Variants in CCDC197 observed in about 807,000 individuals in gnomAD.
The protein encoded by CCDC197 is coiled-coil domain containing 197.
Under a neutral mutation model 13.4 loss-of-function variants are expected in CCDC197, and 24 were observed. The observed-to-expected ratio is 1.80, with a 90% CI of 1.30 to 2.53. CCDC197 has a LOEUF of 2.53. CCDC197 is among the 30% of genes most tolerant of loss of function. The pLI is 0.00. For missense variants in CCDC197, 255 were observed against 148.8 expected (o/e 1.71, Z -3.71); for synonymous variants, 99 against 55.5 (o/e 1.78, Z -3.48).
At chr14:93,995,676 A>G (rs1398619791), upstream of CCDC197, among the ~76,000 whole-genome samples, 1 of 152,108 alleles carries the variant, frequency 6.6e-6, no homozygotes, top group Admixed American at 6.5e-5. Flanking sequence ...GAGAATGGAG[A>G]GGATGATGAA....
chr14:93,987,761 C>T (rs908630725), intron 1 of CCDC197, among the ~76,000 whole-genome samples: 5 of 152,068 alleles, frequency 3.3e-5, no homozygotes, highest in Admixed American at 6.5e-5. Context: ...CCAGCAAGTC[C>T]GTGACAGGGG....
chr14:94,000,954 G>A (rs1354754339), intron 3 of CCDC197, 191 bp from the exon 4 acceptor site: 3 of 412,722 alleles, frequency 7.3e-6, no homozygotes, highest in Non-Finnish European at 1.2e-5. Context: ...TTGAAGTGGA[G>A]GGGGCGGGAG....
At chr14:94,011,146 G>C (rs1431356301), downstream of CCDC197, among the ~76,000 whole-genome samples, 3 of 152,302 alleles carry the variant, frequency 2.0e-5, no homozygotes, top group African/African-American at 7.2e-5. Flanking sequence ...GCACGATGGG[G>C]CTGGACCGGG....
chr14:93,988,866 AAGG>A (rs1411085338), intron 1 of CCDC197, among the ~76,000 whole-genome samples: 3 of 109,312 alleles, frequency 2.7e-5, no homozygotes, highest in African/African-American at 1.1e-4. Context: ...GAGGGGATGG[AAGG>A]AGGAGATGGG....
chr14:94,001,501 G>C, intron 4 of CCDC197, 178 bp downstream of exon 4: 1 of 532,708 alleles, frequency 1.9e-6, no homozygotes, highest in South Asian at 2.6e-5. Context: ...TCTCCCCTCT[G>C]CTGCCTGAGG....
At chr14:94,002,851 CAA>C (rs759127379) in intron 4 of CCDC197, among the ~76,000 whole-genome samples, 13,106 of 107,950 alleles carry the variant, frequency 0.12, 978 homozygotes, top group African/African-American at 0.26. Context: ...GAGACTGTCT[CAA>C]AAAAAAAAAA....
upstream of CCDC197, among the ~76,000 whole-genome samples, chr14:93,995,070 AC>A (rs1213487527): frequency 6.6e-6 from 1 of 151,674 alleles, no homozygotes; most frequent in Non-Finnish European, 1.5e-5. Flanking sequence ...AGATGAATGA[AC>A]CCCTGCATGG....
At chr14:94,000,397 A>G (rs1890459331) in intron 3 of CCDC197, among the ~76,000 whole-genome samples, 1 of 152,072 alleles carries the variant, frequency 6.6e-6, no homozygotes, top group Non-Finnish European at 1.5e-5. Context: ...CCACTGTACT[A>G]AGTGCTAGAA....
chr14:94,004,803 G>A (rs1474123058), intron 5 of CCDC197, 52 bp from the exon 6 acceptor site: 1 of 693,424 alleles, frequency 1.4e-6, no homozygotes, highest in African/African-American at 1.7e-5. Flanking sequence ...GCAGGGGCAG[G>A]GGATGCTGGG....
chr14:94,010,043 C>T (rs573460095), downstream of CCDC197, among the ~76,000 whole-genome samples: 33 of 152,284 alleles, frequency 2.2e-4, no homozygotes, highest in Admixed American at 2.0e-3. Context: ...CAGCCAAGAA[C>T]CTCGAAAGCC....
Position 93,997,527 on chromosome 14 carries a change from A to G in CCDC197, c.-178A>G, listed in dbSNP as rs1176966467. 2.6e-5 allele frequency: 4 copies of G among 151,988 alleles called. No individual in the cohort carries two copies. The highest frequency in any genetic ancestry group is 9.7e-5 in the African/African-American group (4 of 41,188). The allele number at this position is 151,988 out of a possible 1,614,324, so 9.4% of individuals were successfully genotyped here. On this transcript the variant is annotated 5_prime_UTR_variant, in exon 1 of 7. It removes an upstream start codon present in the reference 5' UTR. Coordinates refer to ENST00000636493, the MANE Select transcript of CCDC197 (RefSeq NM_001351596.2). ...ACTAGACCATTTTCCCAGCTTGACC[A>G]TGAGCTTCTTCAAGGCATCTCTTCT... is the stretch of plus-strand genomic sequence containing the variant.
intron 5 of CCDC197, among the ~76,000 whole-genome samples, 158 bp from the exon 6 acceptor site, chr14:94,004,697 C>T (rs905469999): frequency 6.6e-5 from 10 of 152,154 alleles, no homozygotes; most frequent in African/African-American, 1.9e-4. Context: ...GGAACTCAAC[C>T]GAGCCCCGCA....
rs902869159 is a variant in CCDC197, at chr14:94,003,165, C to G, written c.367-58C>G. 8.0e-6 allele frequency: 6 copies of G among 750,726 alleles called. No homozygotes were observed. The African/African-American group carries it at 1.0e-4, about 13-fold the overall frequency. The allele number at this position is 750,726 out of a possible 1,614,324, so 46.5% of individuals were successfully genotyped here. ...CACAGACCACCCTGGGGACTCAGAC[C>G]AGGGCATATGCCCTGGAGGGTTTGT... On this transcript the variant is annotated intron_variant, in intron 4 of 6. Coordinates refer to ENST00000636493, the MANE Select transcript of CCDC197 (RefSeq NM_001351596.2). The surrounding 1 kb of genome is among the most constrained non-coding windows in gnomAD (Gnocchi z 5.0).
upstream of CCDC197, among the ~76,000 whole-genome samples, chr14:93,994,070 C>G (rs144258620): frequency 6.6e-6 from 1 of 152,048 alleles, no homozygotes; most frequent in Non-Finnish European, 1.5e-5. Flanking sequence ...AGAGCCAGGG[C>G]GGTGAAGAGG....
At chr14:94,000,967 C>T (rs903115675) in intron 3 of CCDC197, 178 bp from the exon 4 acceptor site, 14 of 398,594 alleles carry the variant, frequency 3.5e-5, no homozygotes, top group Non-Finnish European at 5.2e-5. Flanking sequence ...GGCGGGAGGG[C>T]GGGGGGGCGG....
upstream of CCDC197, among the ~76,000 whole-genome samples, chr14:93,994,938 G>A (rs1487943976): frequency 6.6e-6 from 1 of 152,190 alleles, no homozygotes; most frequent in Non-Finnish European, 1.5e-5. Context: ...CAACCTCCCA[G>A]ATGGTTCTGG....
chr14:93,999,439 T>C (rs1890421303), intron 2 of CCDC197, 144 bp from the exon 3 acceptor site: 2 of 635,132 alleles, frequency 3.1e-6, no homozygotes, highest in South Asian at 1.8e-5. Flanking sequence ...GACTCCTAAG[T>C]CTATGGCCAA....
intron 1 of CCDC197, among the ~76,000 whole-genome samples, chr14:93,987,661 G>A (rs551065097): frequency 3.9e-5 from 6 of 152,108 alleles, no homozygotes; most frequent in East Asian, 1.9e-4. Context: ...CTCTGGAGGC[G>A]GGCAGCCCCA....
downstream of CCDC197, chr14:94,008,936 G>A (rs2141394585): frequency 1.7e-6 from 1 of 600,200 alleles, no homozygotes; most frequent in South Asian, 2.0e-5. Context: ...GGGTGGTCAG[G>A]GTCCTGGGCT....
Sources: allele counts gnomAD v4.1 joint callset (sites outside exome capture counted in the v4.1 genomes callset), GRCh38; gene constraint gnomAD v4.1.1; non-coding constraint Gnocchi (gnomAD v3.1); transcripts MANE v1.5; gene names NCBI Gene and HGNC (gene_info 2026-07-23, HGNC 2026-07-21).